Variants in MLIP observed in about 807,000 individuals in gnomAD.
The protein encoded by MLIP is muscular LMNA-interacting protein.
MLIP carries 79 observed loss-of-function variants against 84.8 expected under a neutral mutation model. The ratio of observed to expected loss-of-function variants is 0.93; its 90% CI spans 0.78 to 1.12. MLIP has a LOEUF of 1.12. Ranked by LOEUF, MLIP falls within the 50% of genes most tolerant of loss-of-function variation. MLIP has a pLI of 0.00. For missense variants in MLIP, 1,257 were observed against 1,160.6 expected (o/e 1.08, Z -1.21); for synonymous variants, 504 against 463.0 (o/e 1.09, Z -1.14).
chr6:54,097,034 T>C (rs1768264786), intron 1 of MLIP, among the ~76,000 whole-genome samples: 1 of 152,130 alleles, frequency 6.6e-6, no homozygotes, highest in African/African-American at 2.4e-5. Flanking sequence ...TGTGAGGAAG[T>C]TGGCCTGGCT....
intron 10 of MLIP, 57 bp from the exon 11 acceptor site, chr6:54,202,048 T>C (rs1041030194): frequency 2.0e-5 from 25 of 1,251,874 alleles, no homozygotes; most frequent in Non-Finnish European, 2.7e-5. Context: ...AACATATTTG[T>C]TCATTTTAAT....
At chr6:54,200,115 AT>A (rs2150708157) in intron 10 of MLIP, among the ~76,000 whole-genome samples, 1 of 152,280 alleles carries the variant, frequency 6.6e-6, no homozygotes, top group East Asian at 1.9e-4. Context: ...AATGTATCTG[AT>A]ATCCAACCAA....
At chr6:54,087,769 A>G (rs2150366423) in intron 1 of MLIP, among the ~76,000 whole-genome samples, 1 of 152,222 alleles carries the variant, frequency 6.6e-6, no homozygotes. Context: ...TGTTTAAGAA[A>G]AATTTTAAAA....
rs1344418133 is a variant in MLIP, at chr6:54,213,735, A to AAACC, written c.2718+11503_2718+11504insACCA. Among the ~76,000 whole-genome samples, 3 of 97,670 alleles carry AAACC rather than the reference A, an allele frequency of 3.1e-5. 1 individual carries two copies. The highest frequency in any genetic ancestry group is 6.6e-5 in the Non-Finnish European group (3 of 45,446). 64.1% of individuals were successfully genotyped at this position (97,670 alleles called of 152,430 possible). A position where few individuals can be genotyped will look rare whatever the true frequency, so the allele number is the denominator to read the frequency against. On this transcript the variant is annotated intron_variant, in intron 11 of 13. Transcript: ENST00000502396. ...AAAAAAAAAAAAAAAAAAAAAAAAA[A>AAACC]ACAACAAACAGCATATCTTGTATGT...
At position 54,149,121 on chromosome 6, in the gene MLIP, A is replaced by G. The variant is rs751153776; in HGVS notation, c.2283A>G (p.Glu761=). ...TCCCTACAAACACATTGCTTTTGGA[A>G]CAGAAGGTCAGTGTTGGCTCAAAAA... ...AAIPTNTLLL[E]QKALDEPAKT... is the part of the protein sequence containing the mutation. Residue 761 remains glutamate (E), a synonymous_variant, in exon 5 of 14, where the codon GAA becomes GAG. Coordinates refer to ENST00000502396, the MANE Select transcript of MLIP (RefSeq NM_001281747.2). 2 of 1,612,486 alleles carry G rather than the reference A, an allele frequency of 1.2e-6. No homozygotes were observed. The highest frequency in any genetic ancestry group is 2.2e-5 in the South Asian group (2 of 90,986).
At chr6:54,149,337 C>A (rs549999022) in intron 5 of MLIP, among the ~76,000 whole-genome samples, 3 of 152,120 alleles carry the variant, frequency 2.0e-5, no homozygotes, top group Admixed American at 2.0e-4. Context: ...GAATATGAGC[C>A]TAGGGATGTT....
intron 9 of MLIP, among the ~76,000 whole-genome samples, chr6:54,179,178 G>T (rs562858731): frequency 6.6e-6 from 1 of 152,076 alleles, no homozygotes; most frequent in Non-Finnish European, 1.5e-5. Flanking sequence ...TACAGTTTTT[G>T]TGTTGGTATC....
intron 1 of MLIP, among the ~76,000 whole-genome samples, chr6:54,034,679 A>G (rs1764327745): frequency 1.3e-5 from 2 of 152,192 alleles, no homozygotes; most frequent in South Asian, 2.1e-4. Context: ...AGTTAAAAAA[A>G]TGTAAAAAGT....
chr6:54,138,577 G>T (rs1176563293), intron 4 of MLIP, among the ~76,000 whole-genome samples: 3 of 152,088 alleles, frequency 2.0e-5, no homozygotes, highest in Non-Finnish European at 4.4e-5. Flanking sequence ...CATAATATGA[G>T]TTATATCATT....
At chr6:54,083,500 G>T in intron 1 of MLIP, 1 of 1,534,960 alleles carries the variant, frequency 6.5e-7, no homozygotes, top group South Asian at 1.2e-5. Context: ...GTTTGTCAAT[G>T]AGTTCTATTG....
chr6:54,091,775 T>G (rs1179631665), intron 1 of MLIP, among the ~76,000 whole-genome samples: 1 of 152,190 alleles, frequency 6.6e-6, no homozygotes, highest in Non-Finnish European at 1.5e-5. Flanking sequence ...CAGTTATAGA[T>G]CTCTTTTAAT....
intron 12 of MLIP, among the ~76,000 whole-genome samples, chr6:54,233,572 C>T (rs1054294172): frequency 6.6e-6 from 1 of 152,168 alleles, no homozygotes; most frequent in East Asian, 1.9e-4. Flanking sequence ...TTTATCCAGT[C>T]TATCATTGAT....
At chr6:54,129,523 AAT>A (rs1771206161) in intron 3 of MLIP, among the ~76,000 whole-genome samples, 1 of 152,216 alleles carries the variant, frequency 6.6e-6, no homozygotes, top group Non-Finnish European at 1.5e-5. Context: ...AGAAAATGAT[AAT>A]AGAGTATGGA....
At chr6:54,023,175 AT>A (rs199617557) in intron 1 of MLIP, among the ~76,000 whole-genome samples, 44,580 of 140,600 alleles carry the variant, frequency 0.32, 7,568 homozygotes, top group Non-Finnish European at 0.42. Flanking sequence ...TCAAAAAATA[AT>A]AATAATAATA....
intron 3 of MLIP, among the ~76,000 whole-genome samples, chr6:54,134,937 G>A (rs1012435134): frequency 2.6e-5 from 4 of 151,810 alleles, no homozygotes; most frequent in Admixed American, 2.6e-4. Flanking sequence ...CTTTTCATTA[G>A]GAGAGATCAA....
chr6:54,046,976 A>G (rs1374596596), intron 1 of MLIP: 1 of 152,210 alleles, frequency 6.6e-6, no homozygotes, highest in African/African-American at 2.4e-5. Flanking sequence ...AATAACTCTA[A>G]ATTTGGAAAT....
intron 11 of MLIP, among the ~76,000 whole-genome samples, chr6:54,223,481 T>A (rs1254509835): frequency 1.3e-5 from 2 of 152,072 alleles, no homozygotes; most frequent in Non-Finnish European, 2.9e-5. Flanking sequence ...GACATACAGT[T>A]TTCACCACAC....
chr6:54,261,886 G>T (rs543747482), intron 13 of MLIP: 45 of 282,530 alleles, frequency 1.6e-4, no homozygotes, highest in African/African-American at 1.0e-3. Context: ...ATTGCTGAGA[G>T]TTGAAGGTTG....
chr6:54,111,642 T>A, intron 1 of MLIP, 67 bp downstream of exon 1: 1 of 1,486,986 alleles, frequency 6.7e-7, no homozygotes, highest in Non-Finnish European at 9.1e-7. Flanking sequence ...CTGGTGGTAT[T>A]TGCTGCAAGG....
Sources: gnomAD v4.1 joint callset for allele counts (sites outside exome capture counted in the v4.1 genomes callset) on GRCh38, gnomAD v4.1.1 for gene constraint, MANE v1.5 for transcripts, NCBI Gene and HGNC (gene_info 2026-07-23, HGNC 2026-07-21) for gene names.